The following MMP17 variants were observed in gnomAD, a reference collection of about 807,000 sequenced individuals.
MMP17 encodes matrix metalloproteinase-17.
A neutral mutation model predicts 49.1 loss-of-function variants in MMP17; 54 were observed. That is an observed-to-expected ratio of 1.10 (90% CI 0.88 to 1.38). MMP17 has a LOEUF of 1.38. MMP17 is among the 40% of genes most tolerant of loss of function. The pLI is 0.00. For synonymous variants in MMP17, 397 were observed against 383.1 expected, an observed-to-expected ratio of 1.04 and a Z score of -0.42; for missense variants, 837 against 853.7, an observed-to-expected ratio of 0.98 and a Z score of 0.24.
chr12:131,841,448 A>C (rs1887401680), intron 4 of MMP17, among the ~76,000 whole-genome samples, 176 bp from the exon 5 acceptor site: 1 of 152,150 alleles, frequency 6.6e-6, no homozygotes, highest in Non-Finnish European at 1.5e-5. Context: ...AGCAGGCCCC[A>C]CAGAGCCCCC....
chr12:131,839,147 G>A (rs1887249335), intron 3 of MMP17, among the ~76,000 whole-genome samples: 1 of 152,154 alleles, frequency 6.6e-6, no homozygotes, highest in Non-Finnish European at 1.5e-5. Flanking sequence ...CTATCCAGCT[G>A]TGCAGTTGCT....
intron 5 of MMP17, 139 bp from the exon 6 acceptor site, chr12:131,843,858 G>C (rs950587048): frequency 3.2e-6 from 2 of 621,036 alleles, no homozygotes; most frequent in Middle Eastern, 4.3e-4. Flanking sequence ...CAGCAGTCTC[G>C]CTGATCGCAG....
chr12:131,838,109 G>A (rs1371033090), intron 1 of MMP17, 86 bp from the exon 2 acceptor site: 21 of 1,474,604 alleles, frequency 1.4e-5, no homozygotes, highest in East Asian at 4.6e-5. Context: ...GGGCCTGCCC[G>A]GAAGCAGTGG....
At chr12:131,849,699 G>A in intron 8 of MMP17, 103 bp from the exon 9 acceptor site, 3 of 1,364,970 alleles carry the variant, frequency 2.2e-6, no homozygotes. Flanking sequence ...CCAGGTGAGG[G>A]GCCAGGGCAA....
In MMP17 at chr12:131,840,659, T is replaced by C. The variant is rs150044830; in HGVS notation, c.509T>C (p.Ile170Thr). Residue 170 changes from isoleucine to threonine, a missense_variant, in exon 4 of 10, where the codon ATT becomes ACT. Coordinates refer to ENST00000360564, the MANE Select transcript of MMP17 (RefSeq NM_016155.7). ...TACGCCCTCAAGGTCTGGAGCGACA[T>C]TGCGCCCCTGAACTTCCACGAGGTG... Reference protein sequence around the residue: ...MYYALKVWSDIAPLNFHEVAG... With the variant: ...MYYALKVWSDTAPLNFHEVAG... 4 of 1,608,874 alleles carry C rather than the reference T, an allele frequency of 2.5e-6. No homozygotes were observed. Among genetic ancestry groups the C allele is most frequent in the African/African-American group, 2.7e-5 (2 of 75,062 alleles).
chr12:131,841,502 G>C (rs1450288997), intron 4 of MMP17, 122 bp from the exon 5 acceptor site: 18 of 1,015,198 alleles, frequency 1.8e-5, no homozygotes, highest in Non-Finnish European at 2.7e-5. Flanking sequence ...GAATCCCTCT[G>C]GCGCAGCCGG....
rs199547604 is a variant in MMP17, at chr12:131,841,698, G to T, written c.781G>T (p.Ala261Ser). Residue 261 changes from alanine to serine, a missense_variant, in exon 5 of 10, where the codon GCT becomes TCT. Physicochemically the swap from Ala to Ser is moderately conservative, Grantham distance 99. Transcript: ENST00000360564. ...CGCCATTGGGTTAAGCCATGTGGCC[G>T]CTGCACACTCCATCATGCGGCCGTA... ...GHAIGLSHVA[A>S]AHSIMRPYYQ... 5 of 1,613,964 alleles carry T rather than the reference G, an allele frequency of 3.1e-6. No homozygotes were observed. The South Asian group carries it at 5.5e-5, about 18-fold the overall frequency.
At chr12:131,829,549 C>G (rs1419262004) in intron 1 of MMP17, among the ~76,000 whole-genome samples, 1 of 152,194 alleles carries the variant, frequency 6.6e-6, no homozygotes, top group Non-Finnish European at 1.5e-5. Flanking sequence ...GGACTCCTAC[C>G]CAGGGAGTCG....
rs1670655277 is a variant in MMP17, at chr12:131,828,658, G to T, written c.159+5G>T. The stretch of plus-strand genomic sequence containing the variant: ...GAGGACCTCAGCCTGGGAGTGGTGA[G>T]CGCGCGGGCGGGACGGGCGCGGAGC... On this transcript the variant is annotated splice_donor_5th_base_variant and intron_variant, in intron 1 of 9. Transcript: ENST00000360564. The T allele has an allele frequency of 4.3e-6, 2 of 462,060 alleles. No individual in the cohort carries two copies. Among genetic ancestry groups the T allele is most frequent in the Admixed American group, 1.1e-4 (2 of 17,682 alleles). The allele number at this position is 462,060 out of a possible 1,614,324, so 28.6% of individuals were successfully genotyped here. A position where few individuals can be genotyped will look rare whatever the true frequency, so the allele number is the denominator to read the frequency against.
intron 1 of MMP17, among the ~76,000 whole-genome samples, chr12:131,834,130 C>A (rs1045287373): frequency 6.6e-6 from 1 of 152,232 alleles, no homozygotes; most frequent in Admixed American, 6.5e-5. Context: ...CTGCCTCTGG[C>A]CTCTGTGTCC....
Position 131,851,348 on chromosome 12 carries a change from G to A in MMP17, c.*74G>A, listed in dbSNP as rs1429228490. On this transcript the variant is annotated 3_prime_UTR_variant, in exon 10 of 10. Transcript: ENST00000360564. ...CACAGAGGGCAAGGACTGTGCCGGAGTCCCTGGGGGAGGTGCTGGCGCGGG... is the reference window on the plus strand; with the variant it reads ...CACAGAGGGCAAGGACTGTGCCGGAATCCCTGGGGGAGGTGCTGGCGCGGG... 7.9e-7 allele frequency: 1 copy of A among 1,264,908 alleles called. No homozygotes were observed. Among genetic ancestry groups the A allele is most frequent in the Non-Finnish European group, 1.0e-6 (1 of 989,228 alleles). 78.4% of individuals were successfully genotyped at this position (1,264,908 alleles called of 1,614,324 possible). A position where few individuals can be genotyped will look rare whatever the true frequency, so the allele number is the denominator to read the frequency against.
intron 1 of MMP17, among the ~76,000 whole-genome samples, chr12:131,834,118 C>T (rs1886956935): frequency 6.6e-6 from 1 of 152,352 alleles, no homozygotes; most frequent in East Asian, 1.9e-4. Flanking sequence ...CAGGGCAGGG[C>T]TCTGCCTCTG....
At chr12:131,849,539 C>T (rs768692682) in intron 8 of MMP17, among the ~76,000 whole-genome samples, 7 of 152,120 alleles carry the variant, frequency 4.6e-5, no homozygotes, top group Non-Finnish European at 8.8e-5. Context: ...CGGTTTGGCC[C>T]GAGTTGTTGT....
rs369800119 is a variant in MMP17 at position 131,845,162 on chromosome 12, C to T, written c.1013C>T (p.Ala338Val). 1.2e-5 allele frequency: 19 copies of T among 1,613,952 alleles called. No individual in the cohort carries two copies. The East Asian group carries it at 1.3e-4, about 11-fold the overall frequency. ...VPHRCSTHFD[A>V]VAQIRGEAFF... ...CACAGATGCAGCACTCACTTTGACG[C>T]GGTGGCCCAGATCCGGGGTGAAGCT... Residue 338 changes from alanine (A) to valine (V), a missense_variant, in exon 7 of 10, where the codon GCG (alanine) becomes GTG (valine). Physicochemically the swap from Ala to Val is moderately conservative, Grantham distance 64. Transcript: ENST00000360564.
intron 8 of MMP17, among the ~76,000 whole-genome samples, chr12:131,845,676 G>A (rs1197302739): frequency 6.6e-6 from 1 of 152,232 alleles, no homozygotes; most frequent in African/African-American, 2.4e-5. Context: ...ACGATGGAAA[G>A]CCCTGCCCTC....
At position 131,848,597 on chromosome 12, in the gene MMP17, CCCCTGGGCACCCCCACTT is replaced by C. The variant is rs1887821807; in HGVS notation, c.1205-1203_1205-1186del. Among the ~76,000 whole-genome samples, 67 of 152,224 alleles carry C rather than the reference CCCCTGGGCACCCCCACTT, an allele frequency of 4.4e-4. 3 individuals are homozygous for C. In the South Asian group the frequency reaches 0.014, roughly 32 times the overall value. ...CCCGCCCCTGGGCAGCCCCGCCCCT[CCCCTGGGCACCCCCACTT>C]CGCTTGCTGTCCCCATGGCTCTGAG... On this transcript the variant is annotated intron_variant, in intron 8 of 9. Coordinates refer to ENST00000360564, the MANE Select transcript of MMP17 (RefSeq NM_016155.7).
At position 131,851,329 on chromosome 12, in the gene MMP17, G is replaced by A. The variant is rs904238056; in HGVS notation, c.*55G>A. ...GGCGGTGGGACAGCCTGGCCACAGA[G>A]GGCAAGGACTGTGCCGGAGTCCCTG... On this transcript the variant is annotated 3_prime_UTR_variant, in exon 10 of 10. Transcript: ENST00000360564. The A allele has an allele frequency of 2.2e-6, 3 of 1,333,740 alleles. No homozygotes were observed. Among genetic ancestry groups the A allele is most frequent in the Admixed American group, 3.8e-5 (1 of 26,660 alleles). The allele number at this position is 1,333,740 out of a possible 1,614,324, so 82.6% of individuals were successfully genotyped here. A position where few individuals can be genotyped will look rare whatever the true frequency, so the allele number is the denominator to read the frequency against.
At chr12:131,849,488 A>T (rs543961048) in intron 8 of MMP17, among the ~76,000 whole-genome samples, 1 of 152,230 alleles carries the variant, frequency 6.6e-6, no homozygotes, top group Non-Finnish European at 1.5e-5. Context: ...GTCTCAAAAA[A>T]TAATGATCAT....
At chr12:131,848,286 G>A (rs777695233) in intron 8 of MMP17, among the ~76,000 whole-genome samples, 10 of 152,046 alleles carry the variant, frequency 6.6e-5, no homozygotes, top group Non-Finnish European at 8.8e-5. Context: ...AGGGTTCACC[G>A]TGTTGGTCAG....
Sources: gnomAD v4.1 joint callset for allele counts (sites outside exome capture counted in the v4.1 genomes callset) on GRCh38, gnomAD v4.1.1 for gene constraint, MANE v1.5 for transcripts, NCBI Gene and HGNC (gene_info 2026-07-23, HGNC 2026-07-21) for gene names.